Variants in KMO observed in about 807,000 individuals in gnomAD.
KMO encodes the protein kynurenine 3-monooxygenase.
Under a neutral mutation model 57.8 loss-of-function variants are expected in KMO, and 24 were observed. The ratio of observed to expected loss-of-function variants is 0.42; its 90% CI spans 0.30 to 0.58. The LOEUF (loss-of-function observed/expected upper bound fraction) is 0.58, where lower values mean the gene tolerates loss of function less well. KMO is among the 20% of genes least tolerant of loss of function. The probability of loss-of-function intolerance (pLI) is 0.22; values close to 1 mark genes in which losing one functional copy is unlikely to be tolerated. For synonymous variants in KMO, 210 were observed against 193.6 expected (o/e 1.08, Z -0.70); for missense variants, 483 against 588.2 (o/e 0.82, Z 1.85).
rs1328977649 is a variant in KMO at position 241,564,736 on chromosome 1, TAC to T, written c.616-242_616-241del. ...TTCTCTCTGTCTTTTTCCTTACATA[TAC>T]ACACACACGCACGTATTCTGAAATC... On this transcript the variant is annotated intron_variant, in intron 7 of 14. Transcript: ENST00000366559. 9.2e-5 allele frequency among the ~76,000 whole-genome samples: 14 copies of T among 152,038 alleles called. No individual in the cohort carries two copies. The South Asian group carries it at 2.9e-3, about 32-fold the overall frequency.
chr1:241,568,029 C>A (rs1662147211), intron 9 of KMO, among the ~76,000 whole-genome samples: 1 of 152,166 alleles, frequency 6.6e-6, no homozygotes, highest in African/African-American at 2.4e-5. Context: ...ACCACTTGAA[C>A]AAATTATTCC....
In KMO at chr1:241,592,195, C is replaced by T. The variant is rs1383145691; in HGVS notation, c.*42C>T. On this transcript the variant is annotated 3_prime_UTR_variant, in exon 15 of 15. Transcript: ENST00000366559. ...TAGCAAATGCATGATTTCTCTGTGA[C>T]CAAAATTAAGCATGAAAAAAATGTT... 3 of 1,475,716 alleles carry T rather than the reference C, an allele frequency of 2.0e-6. No homozygotes were observed. The highest frequency in any genetic ancestry group is 2.8e-6 in the Non-Finnish European group (3 of 1,060,962). The allele number at this position is 1,475,716 out of a possible 1,614,324, so 91.4% of individuals were successfully genotyped here.
Position 241,532,494 on chromosome 1 carries a change from G to C in KMO, c.50G>C (p.Gly17Ala). ...QRKKVAVIGG[G>A]LVGSLQACFL... ...AAAAAAGTAGCTGTCATTGGTGGTG[G>C]CTTGGTAAGAATTTTCAGATGGATT... Residue 17 changes from glycine (G) to alanine (A), a missense_variant, in exon 1 of 15, where the codon GGC becomes GCC. Gly to Ala is a moderately conservative substitution (Grantham distance 60, BLOSUM62 0). Coordinates refer to ENST00000366559, the MANE Select transcript of KMO (RefSeq NM_003679.5). 1 of 1,606,056 alleles carries C rather than the reference G, an allele frequency of 6.2e-7. No homozygotes were observed.
chr1:241,549,181 AGAGAGAGAGAG>A (rs1661274886), intron 2 of KMO, among the ~76,000 whole-genome samples: 4 of 142,588 alleles, frequency 2.8e-5, no homozygotes, highest in Non-Finnish European at 6.1e-5. Flanking sequence ...AGAGAGAAAG[AGAGAGAGAGAG>A]AAAGAAAAGG....
chr1:241,550,311 C>G (rs561571643), intron 3 of KMO, among the ~76,000 whole-genome samples: 5 of 152,144 alleles, frequency 3.3e-5, no homozygotes, highest in Admixed American at 6.6e-5. Context: ...GTGTACTACA[C>G]TACTTTCTAA....
intron 4 of KMO, among the ~76,000 whole-genome samples, chr1:241,552,186 GAGAGAGAGAGAGAA>G (rs902064848): frequency 5.6e-5 from 6 of 107,794 alleles, no homozygotes; most frequent in African/African-American, 1.3e-4. Flanking sequence ...GAGAGAGAGA[GAGAGAGAGAGAGAA>G]AGAGCGTGCA....
intron 7 of KMO, among the ~76,000 whole-genome samples, chr1:241,564,204 A>G (rs1342792168): frequency 2.0e-5 from 3 of 152,212 alleles, no homozygotes; most frequent in Non-Finnish European, 4.4e-5. Context: ...TAAGCTATAC[A>G]TGGAAGGTGC....
chr1:241,566,803 G>A (rs937464555), intron 9 of KMO, among the ~76,000 whole-genome samples, 191 bp downstream of exon 9: 3 of 152,206 alleles, frequency 2.0e-5, no homozygotes, highest in African/African-American at 7.2e-5. Flanking sequence ...CACCCTTGAC[G>A]TGGCCAGTTC....
At chr1:241,586,144 T>C (rs1422821434) in intron 10 of KMO, among the ~76,000 whole-genome samples, 1 of 151,446 alleles carries the variant, frequency 6.6e-6, no homozygotes, top group Non-Finnish European at 1.5e-5. Flanking sequence ...GTATCATATA[T>C]ATGTAAATTG....
At chr1:241,532,562 G>A in intron 1 of KMO, 64 bp downstream of exon 1, 1 of 1,197,938 alleles carries the variant, frequency 8.3e-7, no homozygotes, top group Non-Finnish European at 1.2e-6. Flanking sequence ...TACTCGTAAT[G>A]ATTATTATTC....
At chr1:241,549,244 A>G (rs1472720560) in intron 2 of KMO, among the ~76,000 whole-genome samples, 1 of 19,032 alleles carries the variant, frequency 5.3e-5, no homozygotes, top group African/African-American at 1.1e-4. Flanking sequence ...AAAGAAAGAA[A>G]GAAAGAAAGA....
intron 1 of KMO, among the ~76,000 whole-genome samples, chr1:241,537,261 C>T (rs114604927): frequency 1.4e-3 from 209 of 152,290 alleles, no homozygotes; most frequent in Non-Finnish European, 2.4e-3. Flanking sequence ...TCTCAACCTA[C>T]TCCTTTCTAA....
Position 241,555,653 on chromosome 1 carries a change from A to T in KMO, c.354A>T (p.Leu118=). 6.4e-7 allele frequency: 1 copy of T among 1,561,464 alleles called. No homozygotes were observed. Among genetic ancestry groups the T allele is most frequent in the Non-Finnish European group, 8.8e-7 (1 of 1,133,362 alleles). ...GCAGAGAAAATCTAAACAAGGATCT[A>T]TTGACTGGTAAGTCTAATGTTTGAT... ...SVSRENLNKD[L]LTAAEKYPNV... is the part of the protein sequence containing the mutation. Residue 118 remains leucine (L), a synonymous_variant, in exon 5 of 15, where the codon CTA becomes CTT. Transcript: ENST00000366559.
intron 10 of KMO, among the ~76,000 whole-genome samples, chr1:241,576,091 T>C (rs1662505766): frequency 6.6e-6 from 1 of 151,862 alleles, no homozygotes; most frequent in Non-Finnish European, 1.5e-5. Context: ...CCTGCTTGCT[T>C]TCAGTTTCCA....
intron 8 of KMO, among the ~76,000 whole-genome samples, chr1:241,565,698 T>C (rs561275994): frequency 6.6e-6 from 1 of 152,026 alleles, no homozygotes; most frequent in East Asian, 1.9e-4. Context: ...CATTCCAGCC[T>C]GGACAACAAA....
At chr1:241,543,518 A>G (rs1395807067) in intron 1 of KMO, among the ~76,000 whole-genome samples, 1 of 152,102 alleles carries the variant, frequency 6.6e-6, no homozygotes, top group African/African-American at 2.4e-5. Flanking sequence ...TCTGATAGTC[A>G]TTCGGGCTAT....
At chr1:241,550,817 G>T in intron 3 of KMO, 138 bp from the exon 4 acceptor site, 2 of 524,392 alleles carry the variant, frequency 3.8e-6, no homozygotes, top group Non-Finnish European at 6.7e-6. Flanking sequence ...TTTCTACCAC[G>T]TTGGGCTTCT....
intron 2 of KMO, 122 bp from the exon 3 acceptor site, chr1:241,549,554 GA>G (rs1661320713): frequency 2.1e-6 from 1 of 466,788 alleles, no homozygotes; most frequent in South Asian, 6.0e-5. Flanking sequence ...ATTTTCTTTA[GA>G]AGAGTTAAGA....
chr1:241,553,772 G>A (rs1407804506), intron 4 of KMO, among the ~76,000 whole-genome samples: 1 of 152,134 alleles, frequency 6.6e-6, no homozygotes, highest in South Asian at 2.1e-4. Flanking sequence ...TTTGATTTCT[G>A]TTGAAATACA....
Sources: gnomAD v4.1 joint callset for allele counts (sites outside exome capture counted in the v4.1 genomes callset) on GRCh38, gnomAD v4.1.1 for gene constraint, MANE v1.5 for transcripts, NCBI Gene and HGNC (gene_info 2026-07-23, HGNC 2026-07-21) for gene names.